STPG2: variants seen among roughly 807,000 people sequenced by gnomAD.
STPG2 encodes sperm tail PG-rich repeat containing 2, also known as sperm-tail PG-rich repeat-containing protein 2.
A neutral mutation model predicts 54.2 loss-of-function variants in STPG2; 56 were observed. The observed-to-expected ratio is 1.03, with a 90% CI of 0.83 to 1.29. The LOEUF is 1.29. Among genes scored for constraint, STPG2 ranks in the 50% most tolerant of loss-of-function variants. The pLI is 0.00. For synonymous variants in STPG2, 200 were observed against 181.8 expected (o/e 1.10, Z -0.81); for missense variants, 596 against 544.9 (o/e 1.09, Z -0.93).
chr4:98,022,569 T>G (rs1393080871), intron 5 of STPG2, among the ~76,000 whole-genome samples: 1 of 151,924 alleles, frequency 6.6e-6, no homozygotes, highest in Non-Finnish European at 1.5e-5. Flanking sequence ...TGGCCTGCCT[T>G]GCTAGATTGG....
intron 4 of STPG2, among the ~76,000 whole-genome samples, chr4:97,537,426 C>G (rs906259493): frequency 6.6e-6 from 1 of 152,196 alleles, no homozygotes; most frequent in Non-Finnish European, 1.5e-5. Context: ...GGGTCCCACA[C>G]CCTCAGAGCC....
intron 8 of STPG2, chr4:97,893,086 T>G (rs1012060865): frequency 1.3e-5 from 2 of 152,164 alleles, no homozygotes; most frequent in African/African-American, 4.8e-5. Context: ...AGATACCACC[T>G]GCTTAGCTTC....
In STPG2 at chr4:97,784,101, A is replaced by G. The variant is rs570555706; in HGVS notation, c.1204+56672T>C. On this transcript the variant is annotated intron_variant, in intron 9 of 10. Transcript: ENST00000295268. ...AAAAAAGAAAAAGAAAAAGGAAATCAGAAAGTATCTGGAACCAAATAAAAA... is the reference window on the plus strand; with the variant it reads ...AAAAAAGAAAAAGAAAAAGGAAATCGGAAAGTATCTGGAACCAAATAAAAA... 1.7e-3 allele frequency among the ~76,000 whole-genome samples: 265 copies of G among 151,790 alleles called. 2 individuals are homozygous for G. Among genetic ancestry groups the G allele is most frequent in the African/African-American group, 6.0e-3 (247 of 41,488 alleles).
chr4:98,016,796 C>G (rs1282903114), intron 5 of STPG2, among the ~76,000 whole-genome samples: 1 of 152,044 alleles, frequency 6.6e-6, no homozygotes, highest in African/African-American at 2.4e-5. Context: ...TTATTTTATT[C>G]TTTTAGTGGT....
chr4:97,867,927 C>A (rs1729850290), intron 8 of STPG2, among the ~76,000 whole-genome samples: 1 of 151,990 alleles, frequency 6.6e-6, no homozygotes, highest in Non-Finnish European at 1.5e-5. Flanking sequence ...CCAAGCAATG[C>A]AGTGTCTGTT....
intron 4 of STPG2, among the ~76,000 whole-genome samples, chr4:97,498,323 G>T (rs550317445): frequency 6.6e-6 from 1 of 151,836 alleles, no homozygotes; most frequent in African/African-American, 2.4e-5. Context: ...TATGTAAGAT[G>T]TTAAAAGAAT....
At chr4:97,990,103 G>A (rs1362557263) in intron 5 of STPG2, among the ~76,000 whole-genome samples, 1 of 152,182 alleles carries the variant, frequency 6.6e-6, no homozygotes, top group African/African-American at 2.4e-5. Context: ...AAGATTACAT[G>A]TGAATTATAA....
chr4:98,137,217 G>T (rs1023256947), intron 1 of STPG2, among the ~76,000 whole-genome samples: 2 of 151,718 alleles, frequency 1.3e-5, no homozygotes, highest in African/African-American at 4.8e-5. Flanking sequence ...GACAAAGCTG[G>T]CTTTAGAACA....
chr4:98,067,488 C>G (rs1737870272), intron 5 of STPG2, among the ~76,000 whole-genome samples: 1 of 152,100 alleles, frequency 6.6e-6, no homozygotes, highest in South Asian at 2.1e-4. Flanking sequence ...CAGCCAGAAG[C>G]CAGAGAGCCT....
At chr4:97,976,674 T>C (rs555156046) in intron 6 of STPG2, among the ~76,000 whole-genome samples, 2 of 152,246 alleles carry the variant, frequency 1.3e-5, no homozygotes, top group South Asian at 4.2e-4. Context: ...TCCAATTCTT[T>C]ACTCTAATCT....
intron 8 of STPG2, among the ~76,000 whole-genome samples, chr4:97,862,597 T>C (rs1729596062): frequency 6.6e-6 from 1 of 152,134 alleles, no homozygotes; most frequent in Admixed American, 6.5e-5. Context: ...CAAGCAGACC[T>C]AATAGACATC....
At chr4:97,846,558 G>A (rs1264677194) in intron 8 of STPG2, among the ~76,000 whole-genome samples, 1 of 146,870 alleles carries the variant, frequency 6.8e-6, no homozygotes, top group Non-Finnish European at 1.5e-5. Context: ...CCAGGAGGCA[G>A]AGGTTGCAGT....
At chr4:97,770,884 C>CT (rs1195588106) in intron 9 of STPG2, among the ~76,000 whole-genome samples, 2 of 152,002 alleles carry the variant, frequency 1.3e-5, no homozygotes, top group African/African-American at 2.4e-5. Flanking sequence ...TTTAGAAGCT[C>CT]TTTTTTCTTT....
Position 97,712,774 on chromosome 4 carries a change from G to A in STPG2, c.1245C>T (p.Pro415=). ...AYNPVLRKSC[P]IPLFVKASKR... ...TTGATGCTTTCACAAATAAGGGTAT[G>A]GGGCAAGATTTCCTTAAAACAGGAT... Residue 415 remains proline, a synonymous_variant, in exon 10 of 11, where the codon CCC becomes CCT. Coordinates refer to ENST00000295268, the MANE Select transcript of STPG2 (RefSeq NM_174952.3). 6.2e-7 allele frequency: 1 copy of A among 1,608,280 alleles called. No homozygotes were observed. The highest frequency in any genetic ancestry group is 8.5e-7 in the Non-Finnish European group (1 of 1,176,474).
chr4:97,555,627 C>T (rs1349630987), downstream of STPG2, among the ~76,000 whole-genome samples: 3 of 151,990 alleles, frequency 2.0e-5, no homozygotes, highest in East Asian at 3.9e-4. Context: ...TATGGTTGTG[C>T]TACCATAAGA....
intron 4 of STPG2, among the ~76,000 whole-genome samples, chr4:97,464,871 T>G (rs1206659821): frequency 6.6e-6 from 1 of 152,188 alleles, no homozygotes; most frequent in African/African-American, 2.4e-5. Flanking sequence ...ATTATAGTAC[T>G]CAACACATAC....
At chr4:97,479,541 T>C (rs1730167246) in intron 4 of STPG2, among the ~76,000 whole-genome samples, 1 of 151,956 alleles carries the variant, frequency 6.6e-6, no homozygotes, top group Non-Finnish European at 1.5e-5. Flanking sequence ...TGACATTCTA[T>C]ATTAAATACT....
chr4:97,618,979 T>A (rs1294909174), intron 10 of STPG2, among the ~76,000 whole-genome samples: 1 of 152,110 alleles, frequency 6.6e-6, no homozygotes, highest in Non-Finnish European at 1.5e-5. Context: ...CTTACAAACA[T>A]CAGTTCAAAA....
chr4:97,903,732 G>C (rs1283982572), intron 8 of STPG2, among the ~76,000 whole-genome samples: 1 of 152,196 alleles, frequency 6.6e-6, no homozygotes, highest in Non-Finnish European at 1.5e-5. Flanking sequence ...GCGCAGGTCA[G>C]TGGGTGCGCA....
Sources: gnomAD v4.1 joint callset for allele counts (sites outside exome capture counted in the v4.1 genomes callset) on GRCh38, gnomAD v4.1.1 for gene constraint, MANE v1.5 for transcripts, NCBI Gene and HGNC (gene_info 2026-07-23, HGNC 2026-07-21) for gene names.